ACSBG2: variants seen among roughly 807,000 people sequenced by gnomAD.
ACSBG2 encodes long-chain-fatty-acid--CoA ligase ACSBG2.
A neutral mutation model predicts 74.7 loss-of-function variants in ACSBG2; 62 were observed. The ratio of observed to expected loss-of-function variants is 0.83; its 90% confidence interval spans 0.68 to 1.03. The LOEUF is 1.03. ACSBG2 is among the 50% of genes least tolerant of loss of function. The pLI, the probability that ACSBG2 is intolerant of heterozygous loss-of-function variation, is 0.00. For missense variants in ACSBG2, 730 were observed against 817.6 expected (o/e 0.89, Z 1.31); for synonymous variants, 309 against 294.1 (o/e 1.05, Z -0.52).
In ACSBG2 at chr19:6,181,818, C is replaced by CCG. The variant is rs913620074; in HGVS notation, c.907-932_907-931insGC. On this transcript the variant is annotated intron_variant, in intron 8 of 14. Transcript: ENST00000588485. ...CATTTGAATAGTCCCCACCCGCCCC[C>CCG]CCCCCCAACGAAATTTCCTTGGCAT... Among the ~76,000 whole-genome samples the CCG allele has an allele frequency of 6.4e-4, 76 of 119,500 alleles. 10 individuals carry two copies. Among genetic ancestry groups the CCG allele is most frequent in the Non-Finnish European group, 1.2e-3 (69 of 58,474 alleles). 78.4% of individuals were successfully genotyped at this position (119,500 alleles called of 152,430 possible). A position where few individuals can be genotyped will look rare whatever the true frequency, so the allele number is the denominator to read the frequency against.
At chr19:6,145,427 CTCAAAAAAAAAA>C (rs1370993489) in intron 2 of ACSBG2, among the ~76,000 whole-genome samples, 2 of 63,788 alleles carry the variant, frequency 3.1e-5, no homozygotes, top group Admixed American at 3.4e-4. Flanking sequence ...AAGACTCCAT[CTCAAAAAAAAAA>C]AAAAAAAGTA....
At position 6,162,976 on chromosome 19, in the gene ACSBG2, G is replaced by T. The variant is rs115440228; in HGVS notation, c.588+1681G>T. Among the ~76,000 whole-genome samples the T allele has an allele frequency of 9.9e-3, 1,498 of 152,014 alleles. 32 individuals carry two copies. The highest frequency in any genetic ancestry group is 0.035 in the African/African-American group (1,432 of 41,428). On this transcript the variant is annotated intron_variant, in intron 6 of 14. Coordinates refer to ENST00000588485, the MANE Select transcript of ACSBG2 (RefSeq NM_030924.5). ...ATCTACTCCTCTGCAAGGGAGAGTA[G>T]AACCTACCATTTTAAGATTCTGTTT...
chr19:6,164,762 C>T (rs1200071002), intron 6 of ACSBG2, among the ~76,000 whole-genome samples: 2 of 152,166 alleles, frequency 1.3e-5, no homozygotes, highest in Non-Finnish European at 2.9e-5. Flanking sequence ...GCGCATCACC[C>T]TCATCCAGTG....
intron 6 of ACSBG2, among the ~76,000 whole-genome samples, chr19:6,163,164 A>G (rs560884752): frequency 8.1e-6 from 1 of 124,040 alleles, no homozygotes; most frequent in African/African-American, 2.8e-5. Context: ...TAATAATAAT[A>G]ATCGCCCAAG....
At chr19:6,167,980 C>A (rs975152898) in intron 7 of ACSBG2, among the ~76,000 whole-genome samples, 5 of 147,524 alleles carry the variant, frequency 3.4e-5, no homozygotes, top group African/African-American at 5.2e-5. Context: ...CACCCTCACC[C>A]CCACCCCCAG....
intron 7 of ACSBG2, among the ~76,000 whole-genome samples, chr19:6,166,970 T>C (rs1298350722): frequency 6.6e-6 from 1 of 151,120 alleles, no homozygotes; most frequent in East Asian, 2.0e-4. Flanking sequence ...GATGGGTTCT[T>C]ACCATGTTGC....
chr19:6,166,351 C>G (rs1300130560), intron 7 of ACSBG2, among the ~76,000 whole-genome samples: 2 of 138,034 alleles, frequency 1.4e-5, no homozygotes, highest in African/African-American at 3.3e-5. Context: ...GGGTCTCCCT[C>G]TGTCGCCCAG....
chr19:6,156,314 G>C (rs1331164443), intron 4 of ACSBG2, 117 bp from the exon 5 acceptor site: 1 of 1,117,170 alleles, frequency 9.0e-7, no homozygotes, highest in Non-Finnish European at 1.2e-6. Flanking sequence ...GGAAGCTGGT[G>C]CTGTGGCTGC....
At chr19:6,181,316 G>C (rs2090247027) in intron 8 of ACSBG2, among the ~76,000 whole-genome samples, 1 of 148,722 alleles carries the variant, frequency 6.7e-6, no homozygotes, top group Admixed American at 6.7e-5. Flanking sequence ...GGAAAGAAAG[G>C]AAGGAGGGAG....
intron 7 of ACSBG2, among the ~76,000 whole-genome samples, chr19:6,171,671 G>A (rs1267843364): frequency 6.6e-6 from 1 of 151,796 alleles, no homozygotes; most frequent in Non-Finnish European, 1.5e-5. Context: ...ATTGACCTTG[G>A]TCTGATGACT....
intron 12 of ACSBG2, 66 bp downstream of exon 12, chr19:6,187,488 C>A: frequency 6.2e-7 from 1 of 1,604,318 alleles, no homozygotes. Flanking sequence ...TGGCCCCACC[C>A]CAGGGTCAAG....
chr19:6,159,741 C>CGGTTTTCTGTTGGAGTTAA (rs1186858643), intron 5 of ACSBG2, among the ~76,000 whole-genome samples: 12 of 152,138 alleles, frequency 7.9e-5, no homozygotes, highest in Non-Finnish European at 1.8e-4. Flanking sequence ...AAATAAACTC[C>CGGTTTTCTGTTGGAGTTAA]AAACTCCTCA....
chr19:6,174,949 A>G lies in ACSBG2; in HGVS notation c.739-2280A>G, dbSNP rs1208800634. On this transcript the variant is annotated intron_variant, in intron 7 of 14. Coordinates refer to ENST00000588485, the MANE Select transcript of ACSBG2 (RefSeq NM_030924.5). This position sits in a 1 kb window ranked among gnomAD's most constrained non-coding sequence, Gnocchi z 4.2. ...CATTTTAACTCCCCACTAAAACCCCACGAGGAAAATTTTGTCACTAACCCT... is the reference window on the plus strand; with the variant it reads ...CATTTTAACTCCCCACTAAAACCCCGCGAGGAAAATTTTGTCACTAACCCT... Among the ~76,000 whole-genome samples, 1 of 152,206 alleles carries G rather than the reference A, an allele frequency of 6.6e-6. No individual in the cohort carries two copies. Among genetic ancestry groups the G allele is most frequent in the Non-Finnish European group, 1.5e-5 (1 of 68,026 alleles).
intron 5 of ACSBG2, among the ~76,000 whole-genome samples, chr19:6,158,948 T>C (rs1391086055): frequency 6.6e-6 from 1 of 152,114 alleles, no homozygotes; most frequent in African/African-American, 2.4e-5. Flanking sequence ...TTCTTTTCTT[T>C]TCTTTTTTTG....
In ACSBG2 at chr19:6,138,593, A is replaced by G. The variant is rs1355478254; in HGVS notation, c.-32+2684A>G. 1.3e-4 allele frequency among the ~76,000 whole-genome samples: 8 copies of G among 60,072 alleles called. No homozygotes were observed. The East Asian group carries it at 3.3e-3, about 25-fold the overall frequency. 39.4% of individuals were successfully genotyped at this position (60,072 alleles called of 152,430 possible). On this transcript the variant is annotated intron_variant, in intron 1 of 14. Coordinates refer to ENST00000588485, the MANE Select transcript of ACSBG2 (RefSeq NM_030924.5). ...AGGGAGGGAGGGAAGGAAAGAGGGAAGAGAGAGGGAGGAAGGAAGGAAGGA... is the reference window on the plus strand; with the variant it reads ...AGGGAGGGAGGGAAGGAAAGAGGGAGGAGAGAGGGAGGAAGGAAGGAAGGA...
Position 6,135,801 on chromosome 19 carries a change from C to A in ACSBG2, c.-140C>A, listed in dbSNP as rs1004267765. ...CTCATGTTCAGGTTTCCAGGAGGGG[C>A]TACCTGTTGACTGTCTTTGCAGGAA... On this transcript the variant is annotated 5_prime_UTR_variant, in exon 1 of 15. Transcript: ENST00000588485. 1.3e-5 allele frequency: 2 copies of A among 152,274 alleles called. No homozygotes were observed. Among genetic ancestry groups the A allele is most frequent in the African/African-American group, 4.8e-5 (2 of 41,440 alleles). 9.4% of individuals were successfully genotyped at this position (152,274 alleles called of 1,614,324 possible). A position where few individuals can be genotyped will look rare whatever the true frequency, so the allele number is the denominator to read the frequency against.
At chr19:6,140,949 A>G (rs1020888736) in intron 1 of ACSBG2, among the ~76,000 whole-genome samples, 4 of 151,926 alleles carry the variant, frequency 2.6e-5, no homozygotes, top group South Asian at 2.1e-4. Context: ...CCGCTTTCCC[A>G]TTGGGTTTTG....
chr19:6,156,554 A>G lies in ACSBG2; in HGVS notation c.507+3A>G. On this transcript the variant is annotated splice_donor_region_variant and intron_variant, in intron 5 of 14. Coordinates refer to ENST00000588485, the MANE Select transcript of ACSBG2 (RefSeq NM_030924.5). ...AACAGTTACAGAAAATCCTTTCGGT[A>G]AACCCCTACCCAGCACTGCCTGCCA... 6.4e-7 allele frequency: 1 copy of G among 1,571,952 alleles called. No individual in the cohort carries two copies. The highest frequency in any genetic ancestry group is 1.4e-5 in the African/African-American group (1 of 73,444).
intron 5 of ACSBG2, among the ~76,000 whole-genome samples, chr19:6,156,845 G>A (rs901106013): frequency 1.2e-4 from 18 of 149,790 alleles, no homozygotes; most frequent in African/African-American, 2.2e-4. Flanking sequence ...GTGCAATGTC[G>A]TGATTGTAGC....
Sources: gnomAD v4.1 joint callset for allele counts (sites outside exome capture counted in the v4.1 genomes callset) on GRCh38, gnomAD v4.1.1 for gene constraint, Gnocchi (gnomAD v3.1) non-coding constraint, MANE v1.5 for transcripts, NCBI Gene and HGNC (gene_info 2026-07-23, HGNC 2026-07-21) for gene names.